The following PCDHGC3 variants were observed in gnomAD, a reference collection of about 807,000 sequenced individuals.
PCDHGC3 encodes the protein protocadherin gamma-C3.
In PCDHGC3, 26 loss-of-function variants were observed where a neutral mutation model predicts 59.2. That is an observed-to-expected ratio of 0.44 (90% CI 0.32 to 0.61). The LOEUF (loss-of-function observed/expected upper bound fraction) is 0.61. PCDHGC3 is among the 20% of genes least tolerant of loss of function. The pLI is 0.05. For synonymous variants in PCDHGC3, 487 were observed against 519.7 expected (o/e 0.94, Z 0.86); for missense variants, 1,080 against 1,221.8 (o/e 0.88, Z 1.73).
Position 141,493,788 on chromosome 5 carries a change from C to A in PCDHGC3, c.2431-1019C>A, listed in dbSNP as rs2099750132. On this transcript the variant is annotated intron_variant, in intron 1 of 3. Transcript: ENST00000308177. This position sits in a 1 kb window ranked among gnomAD's most constrained non-coding sequence, Gnocchi z 4.3. ...ACTGGCAGTTCCGGAGCTTCCTTCT[C>A]CCTGGAGTAATCTGAGATACTCACA... 6.6e-6 allele frequency among the ~76,000 whole-genome samples: 1 copy of A among 152,162 alleles called. No homozygotes were observed. The highest frequency in any genetic ancestry group is 1.5e-5 in the Non-Finnish European group (1 of 68,026).
chr5:141,486,391 C>T lies in PCDHGC3; in HGVS notation c.2430+7845C>T. The T allele has an allele frequency of 6.2e-7, 1 of 1,614,112 alleles. No individual in the cohort carries two copies. The highest frequency in any genetic ancestry group is 8.5e-7 in the Non-Finnish European group (1 of 1,179,984). Reference sequence around the variant, plus strand: ...AGTCTGCCTTCAGGAACCAGTTCTCCCTGGTGACTGCTGGACCCTTGGATC... The same window carrying T: ...AGTCTGCCTTCAGGAACCAGTTCTCTCTGGTGACTGCTGGACCCTTGGATC... On this transcript the variant is annotated intron_variant, in intron 1 of 3. Transcript: ENST00000308177. The surrounding 1 kb of genome is among the most constrained non-coding windows in gnomAD (Gnocchi z 5.0).
intron 2 of PCDHGC3, among the ~76,000 whole-genome samples, chr5:141,502,834 A>G (rs1398558120): frequency 6.7e-6 from 1 of 149,378 alleles, no homozygotes; most frequent in Non-Finnish European, 1.5e-5. Flanking sequence ...GGAAGCCTGG[A>G]CTGGCTGAGC....
At position 141,489,300 on chromosome 5, in the gene PCDHGC3, C is replaced by T; in HGVS notation, c.2431-5507C>T. 1 of 1,585,700 alleles carries T rather than the reference C, an allele frequency of 6.3e-7. No individual in the cohort carries two copies. The highest frequency in any genetic ancestry group is 1.3e-5 in the African/African-American group (1 of 74,388). On this transcript the variant is annotated intron_variant, in intron 1 of 3. Coordinates refer to ENST00000308177, the MANE Select transcript of PCDHGC3 (RefSeq NM_002588.4). This position sits in a 1 kb window ranked among gnomAD's most constrained non-coding sequence, Gnocchi z 4.5. The stretch of plus-strand genomic sequence containing the variant: ...AATGGCAAGTGCTGTGCATGTTGTC[C>T]TTGTGCTGCTGGGGCTGGGTGTCTG...
rs746968245 is a variant in PCDHGC3, at chr5:141,489,575, A to AC, written c.2431-5227dup. 2 of 1,613,788 alleles carry AC rather than the reference A, an allele frequency of 1.2e-6. No homozygotes were observed. Among genetic ancestry groups the AC allele is most frequent in the Non-Finnish European group, 1.7e-6 (2 of 1,179,960 alleles). On this transcript the variant is annotated intron_variant, in intron 1 of 3. Coordinates refer to ENST00000308177, the MANE Select transcript of PCDHGC3 (RefSeq NM_002588.4). The surrounding 1 kb of genome is among the most constrained non-coding windows in gnomAD (Gnocchi z 4.5). ...CTGCCAGTGCAGGTGGTGACTGAACACCCCCTGGAGCTAATCCGTGTAGAG... is the reference window on the plus strand; with the variant it reads ...CTGCCAGTGCAGGTGGTGACTGAACACCCCCCTGGAGCTAATCCGTGTAGAG...
At position 141,487,665 on chromosome 5, in the gene PCDHGC3, G is replaced by C. The variant is rs373971935; in HGVS notation, c.2431-7142G>C. 2.1e-5 allele frequency: 34 copies of C among 1,612,724 alleles called. No homozygotes were observed. In the South Asian group the frequency reaches 3.4e-4, roughly 16 times the overall value. ...ATGCTTGAGGGTTATTCTGATCCAG[G>C]CATATGGCTAGGCCATGTCCTAGAG... On this transcript the variant is annotated intron_variant, in intron 1 of 3. Transcript: ENST00000308177. The surrounding 1 kb of genome is among the most constrained non-coding windows in gnomAD (Gnocchi z 5.0).
intron 3 of PCDHGC3, among the ~76,000 whole-genome samples, chr5:141,510,244 G>A (rs549784078): frequency 6.6e-6 from 1 of 151,116 alleles, no homozygotes; most frequent in African/African-American, 2.4e-5. Flanking sequence ...CTGCACTCCA[G>A]GCTGGGCGAC....
chr5:141,501,013 C>A (rs1456343329), intron 2 of PCDHGC3, among the ~76,000 whole-genome samples: 6 of 151,970 alleles, frequency 3.9e-5, no homozygotes, highest in Non-Finnish European at 8.8e-5. Flanking sequence ...GGACTACAGG[C>A]ACGCGCCACC....
Position 141,485,890 on chromosome 5 carries a change from C to G in PCDHGC3, c.2430+7344C>G. 4 of 1,614,156 alleles carry G rather than the reference C, an allele frequency of 2.5e-6. No individual in the cohort carries two copies. Among genetic ancestry groups the G allele is most frequent in the Non-Finnish European group, 2.5e-6 (3 of 1,180,022 alleles). The stretch of plus-strand genomic sequence containing the variant: ...CCGTGCTGGACGTAAACGACAACGC[C>G]CCAGCCTTCCAGCAATCCAGCTACA... On this transcript the variant is annotated intron_variant, in intron 1 of 3. Coordinates refer to ENST00000308177, the MANE Select transcript of PCDHGC3 (RefSeq NM_002588.4). The surrounding 1 kb of genome is among the most constrained non-coding windows in gnomAD (Gnocchi z 5.7).
chr5:141,477,765 A>C lies in PCDHGC3; in HGVS notation c.1649A>C (p.Asn550Thr), dbSNP rs752391870. The C allele has an allele frequency of 6.2e-7, 1 of 1,614,026 alleles. No individual in the cohort carries two copies. Among genetic ancestry groups the C allele is most frequent in the Non-Finnish European group, 8.5e-7 (1 of 1,180,036 alleles). Reference sequence around the variant, plus strand: ...GGGGGCACCCCGGTCCTAGCCACCAACATCAGCGTGAACATATTTGTCACT... The same window carrying C: ...GGGGGCACCCCGGTCCTAGCCACCACCATCAGCGTGAACATATTTGTCACT... ...SDGGTPVLATNISVNIFVTDR... is the reference protein window; with the variant it reads ...SDGGTPVLATTISVNIFVTDR... The change falls in exon 1 of 4, where the codon AAC (asparagine) becomes ACC (threonine). Residue 550 changes from asparagine to threonine, a missense_variant. Coordinates refer to ENST00000308177, the MANE Select transcript of PCDHGC3 (RefSeq NM_002588.4). The surrounding 1 kb of genome is among the most constrained non-coding windows in gnomAD (Gnocchi z 4.9).
chr5:141,509,024 C>T (rs2099873840), intron 3 of PCDHGC3, among the ~76,000 whole-genome samples: 1 of 152,108 alleles, frequency 6.6e-6, no homozygotes, highest in African/African-American at 2.4e-5. Flanking sequence ...GCTGCTCCCT[C>T]CCACTCAACC....
rs151293422 is a variant in PCDHGC3, at chr5:141,487,556, A to G, written c.2431-7251A>G. ...GATGGTGAAGTCACCCAGTGCACCT[A>G]TGGCAGGGGAGCCTGTTCGCCCAAG... On this transcript the variant is annotated intron_variant, in intron 1 of 3. Coordinates refer to ENST00000308177, the MANE Select transcript of PCDHGC3 (RefSeq NM_002588.4). This position sits in a 1 kb window ranked among gnomAD's most constrained non-coding sequence, Gnocchi z 5.0. 2,837 of 1,614,100 alleles carry G rather than the reference A, an allele frequency of 1.8e-3. 31 individuals are homozygous for G. The highest frequency in any genetic ancestry group is 1.2e-3 in the South Asian group (105 of 91,084).
rs769671283 is a variant in PCDHGC3, at chr5:141,511,391, C to A, written c.*218C>A. 1 of 1,079,748 alleles carries A rather than the reference C, an allele frequency of 9.3e-7. No homozygotes were observed. The allele number at this position is 1,079,748 out of a possible 1,614,324, so 66.9% of individuals were successfully genotyped here. On this transcript the variant is annotated 3_prime_UTR_variant, in exon 4 of 4. Transcript: ENST00000308177. ...TGCAAAAGCAGTTCCGCTGGGAACC[C>A]CCATCCAATCAACTGCTGTACCCAT...
intron 3 of PCDHGC3, among the ~76,000 whole-genome samples, chr5:141,507,625 G>C (rs2099862215): frequency 6.6e-6 from 1 of 152,256 alleles, no homozygotes; most frequent in Non-Finnish European, 1.5e-5. Context: ...AGCTGTTGTG[G>C]CCTTGCGCCC....
At chr5:141,498,958 A>T (rs1200201746) in intron 2 of PCDHGC3, among the ~76,000 whole-genome samples, 2 of 123,248 alleles carry the variant, frequency 1.6e-5, no homozygotes, top group Admixed American at 1.8e-4. Flanking sequence ...AAAGAGAGAG[A>T]GGGAGGGAGG....
chr5:141,486,967 G>C lies in PCDHGC3; in HGVS notation c.2431-7840G>C. The C allele has an allele frequency of 6.2e-7, 1 of 1,614,202 alleles. No homozygotes were observed. Among genetic ancestry groups the C allele is most frequent in the Non-Finnish European group, 8.5e-7 (1 of 1,180,032 alleles). ...TCACAAAGGTGACTGCTGTGGACTT[G>C]GATTCAGGTTACAATGCTTGGGTTT... On this transcript the variant is annotated intron_variant, in intron 1 of 3. Transcript: ENST00000308177. The surrounding 1 kb of genome is among the most constrained non-coding windows in gnomAD (Gnocchi z 5.0).
chr5:141,492,257 A>G (rs955890030), intron 1 of PCDHGC3, among the ~76,000 whole-genome samples: 1 of 152,126 alleles, frequency 6.6e-6, no homozygotes, highest in Non-Finnish European at 1.5e-5. Flanking sequence ...GGCCCACACA[A>G]GTTGCACGGG....
rs554845172 is a variant in PCDHGC3 at position 141,485,584 on chromosome 5, G to A, written c.2430+7038G>A. Reference sequence around the variant, plus strand: ...ACGCCCCCCGTTTTCCGCGGCAGCAGCTGGACTTGGAAATTGGGGAGGCAG... The same window carrying A: ...ACGCCCCCCGTTTTCCGCGGCAGCAACTGGACTTGGAAATTGGGGAGGCAG... On this transcript the variant is annotated intron_variant, in intron 1 of 3. Transcript: ENST00000308177. The surrounding 1 kb of genome is among the most constrained non-coding windows in gnomAD (Gnocchi z 5.7). The A allele has an allele frequency of 2.9e-5, 46 of 1,612,498 alleles. 1 individual carries two copies. The South Asian group carries it at 4.5e-4, about 16-fold the overall frequency.
rs751318430 is a variant in PCDHGC3 at position 141,485,603 on chromosome 5, G to A, written c.2430+7057G>A. 1 of 1,612,482 alleles carries A rather than the reference G, an allele frequency of 6.2e-7. No homozygotes were observed. The stretch of plus-strand genomic sequence containing the variant: ...GCAGCAGCTGGACTTGGAAATTGGG[G>A]AGGCAGCTCCTCCAGGACAGCGTTT... On this transcript the variant is annotated intron_variant, in intron 1 of 3. Coordinates refer to ENST00000308177, the MANE Select transcript of PCDHGC3 (RefSeq NM_002588.4). This position sits in a 1 kb window ranked among gnomAD's most constrained non-coding sequence, Gnocchi z 5.7.
chr5:141,505,322 G>A, intron 2 of PCDHGC3, 71 bp from the exon 3 acceptor site: 1 of 1,606,332 alleles, frequency 6.2e-7, no homozygotes, highest in African/African-American at 1.3e-5. Context: ...TGGGAGCCCT[G>A]GGAGAGGACA....
Sources: allele counts gnomAD v4.1 joint callset (sites outside exome capture counted in the v4.1 genomes callset), GRCh38; gene constraint gnomAD v4.1.1; non-coding constraint Gnocchi (gnomAD v3.1); transcripts MANE v1.5; gene names NCBI Gene and HGNC (gene_info 2026-07-23, HGNC 2026-07-21).